Variants in LCLAT1 observed in about 807,000 individuals in gnomAD.
LCLAT1 encodes the protein lysocardiolipin acyltransferase 1.
In LCLAT1, 11 loss-of-function variants were observed where a neutral mutation model predicts 30.7. The ratio of observed to expected loss-of-function variants is 0.36; its 90% confidence interval spans 0.23 to 0.59. The LOEUF is 0.59. Ranked by LOEUF, LCLAT1 falls within the 20% of genes least tolerant of loss-of-function variation. The pLI is 0.77. For missense variants in LCLAT1, 402 were observed against 458.6 expected (o/e 0.88, Z 1.13); for synonymous variants, 155 against 151.3 (o/e 1.02, Z -0.18).
chr2:30,636,758 T>C (rs1669048909), intron 5 of LCLAT1, among the ~76,000 whole-genome samples: 1 of 152,218 alleles, frequency 6.6e-6, no homozygotes, highest in East Asian at 1.9e-4. Flanking sequence ...ACCATTTTGA[T>C]ACCAATTTGT....
intron 5 of LCLAT1, among the ~76,000 whole-genome samples, chr2:30,611,574 G>C (rs996505709): frequency 6.6e-6 from 1 of 152,128 alleles, no homozygotes; most frequent in African/African-American, 2.4e-5. Flanking sequence ...GTTCTCAGAA[G>C]ACAGTGGTGT....
chr2:30,551,426 C>T (rs1664672893), intron 3 of LCLAT1, among the ~76,000 whole-genome samples: 1 of 152,086 alleles, frequency 6.6e-6, no homozygotes, highest in Non-Finnish European at 1.5e-5. Context: ...TTTCCTTGCC[C>T]CATCCCTAGA....
At chr2:30,588,870 G>T (rs1046347584) in intron 5 of LCLAT1, among the ~76,000 whole-genome samples, 1 of 152,110 alleles carries the variant, frequency 6.6e-6, no homozygotes, top group Admixed American at 6.5e-5. Flanking sequence ...AGAGTGCTGG[G>T]ATTACAGGCA....
intron 1 of LCLAT1, among the ~76,000 whole-genome samples, chr2:30,471,537 G>T (rs529227917): frequency 6.6e-6 from 1 of 152,140 alleles, no homozygotes; most frequent in Admixed American, 6.5e-5. Flanking sequence ...CCTAAACCTG[G>T]TATATCCTTC....
At chr2:30,501,440 T>C (rs1343554447) in intron 1 of LCLAT1, among the ~76,000 whole-genome samples, 1 of 152,150 alleles carries the variant, frequency 6.6e-6, no homozygotes, top group East Asian at 1.9e-4. Context: ...TATGAGCAGT[T>C]TGTGTTTTAA....
intron 1 of LCLAT1, among the ~76,000 whole-genome samples, chr2:30,471,312 C>T (rs1239838526): frequency 3.3e-5 from 5 of 152,048 alleles, no homozygotes; most frequent in African/African-American, 7.3e-5. Context: ...CGGGTTCAAG[C>T]GATTCTTCTG....
At chr2:30,484,316 T>C (rs1206252240) in intron 1 of LCLAT1, among the ~76,000 whole-genome samples, 1 of 152,196 alleles carries the variant, frequency 6.6e-6, no homozygotes, top group African/African-American at 2.4e-5. Flanking sequence ...AAAAATATTA[T>C]AAGTATTGAC....
At chr2:30,576,200 T>C (rs1309179326) in intron 5 of LCLAT1, among the ~76,000 whole-genome samples, 1 of 152,168 alleles carries the variant, frequency 6.6e-6, no homozygotes, top group Admixed American at 6.6e-5. Context: ...AAAATGTGTT[T>C]ATTTCAAAAT....
rs145499176 is a variant in LCLAT1, at chr2:30,551,163, A to C, written c.365-10983A>C. 1.3e-4 allele frequency among the ~76,000 whole-genome samples: 20 copies of C among 152,290 alleles called. No individual in the cohort carries two copies. The East Asian group carries it at 3.3e-3, about 25-fold the overall frequency. ...CTGGCTAATTTAAAATAAATTTTAA[A>C]AGACAACAACTTTTTTTTTTGTAGA... On this transcript the variant is annotated intron_variant, in intron 3 of 5. Transcript: ENST00000379509.
intron 5 of LCLAT1, among the ~76,000 whole-genome samples, chr2:30,605,662 C>A (rs1475634906): frequency 6.6e-6 from 1 of 152,124 alleles, no homozygotes; most frequent in African/African-American, 2.4e-5. Context: ...TACATTTCCT[C>A]TCCTACAACT....
chr2:30,520,286 G>C (rs1318316543), intron 1 of LCLAT1, among the ~76,000 whole-genome samples: 2 of 152,096 alleles, frequency 1.3e-5, no homozygotes, highest in Non-Finnish European at 2.9e-5. Flanking sequence ...AAGACATAAG[G>C]CTATCTCACT....
chr2:30,580,355 T>C (rs1666161387), intron 5 of LCLAT1, among the ~76,000 whole-genome samples: 1 of 152,206 alleles, frequency 6.6e-6, no homozygotes, highest in African/African-American at 2.4e-5. Context: ...ATCAGCGGTT[T>C]ATCTGGATTT....
At chr2:30,473,535 T>A (rs1206941053) in intron 1 of LCLAT1, among the ~76,000 whole-genome samples, 5 of 152,204 alleles carry the variant, frequency 3.3e-5, no homozygotes, top group Admixed American at 6.5e-5. Context: ...TCGTGATAAT[T>A]TATGAACCTA....
In LCLAT1 at chr2:30,641,085, CCTT is replaced by C. The variant is rs1208182977; in HGVS notation, c.*471_*473del. 2.6e-5 allele frequency: 4 copies of C among 154,232 alleles called. No individual in the cohort carries two copies. Among genetic ancestry groups the C allele is most frequent in the African/African-American group, 9.7e-5 (4 of 41,440 alleles). 9.6% of individuals were successfully genotyped at this position (154,232 alleles called of 1,614,324 possible). The stretch of plus-strand genomic sequence containing the variant: ...GTGCCCAGGCTCCCTCCCTTGGCGT[CCTT>C]CTTCCTGCGCCAAACCCATCTCATC... On this transcript the variant is annotated 3_prime_UTR_variant, in exon 6 of 6. Transcript: ENST00000379509.
chr2:30,561,835 A>G (rs1389891047), intron 3 of LCLAT1, among the ~76,000 whole-genome samples: 1 of 152,178 alleles, frequency 6.6e-6, no homozygotes, highest in Non-Finnish European at 1.5e-5. Flanking sequence ...GATTGTTAAA[A>G]TTTTGGATAA....
intron 1 of LCLAT1, among the ~76,000 whole-genome samples, chr2:30,472,492 G>A (rs1682849081): frequency 6.6e-6 from 1 of 152,194 alleles, no homozygotes; most frequent in Non-Finnish European, 1.5e-5. Context: ...GGAAAGGACT[G>A]TAATTACTAA....
chr2:30,487,739 TCAG>T (rs1683633214), intron 1 of LCLAT1, among the ~76,000 whole-genome samples: 1 of 152,130 alleles, frequency 6.6e-6, no homozygotes, highest in Admixed American at 6.6e-5. Flanking sequence ...AGTTGTACAG[TCAG>T]CAGAGTCCTG....
chr2:30,578,679 T>A (rs571186852), intron 5 of LCLAT1, among the ~76,000 whole-genome samples: 13 of 152,126 alleles, frequency 8.5e-5, no homozygotes, highest in Non-Finnish European at 1.9e-4. Context: ...TGCGGACTGA[T>A]CTTAGATGTC....
intron 1 of LCLAT1, among the ~76,000 whole-genome samples, chr2:30,485,205 A>G (rs1481127506): frequency 6.6e-6 from 1 of 152,170 alleles, no homozygotes; most frequent in Non-Finnish European, 1.5e-5. Flanking sequence ...GATGTTTTCC[A>G]TGCATGGTTG....
Sources: allele counts gnomAD v4.1 joint callset (sites outside exome capture counted in the v4.1 genomes callset), GRCh38; gene constraint gnomAD v4.1.1; transcripts MANE v1.5; gene names NCBI Gene and HGNC (gene_info 2026-07-23, HGNC 2026-07-21).